GK5: variants seen among roughly 807,000 people sequenced by gnomAD.
GK5 encodes ATP:glycerol 3-phosphotransferase 5.
In GK5, 39 loss-of-function variants were observed where a neutral mutation model predicts 77.3. The observed-to-expected ratio is 0.50, with a 90% CI of 0.39 to 0.66. The LOEUF is 0.66. Ranked by LOEUF, GK5 falls within the 30% of genes least tolerant of loss-of-function variation. GK5 has a pLI of 0.00. For synonymous variants in GK5, 211 were observed against 208.0 expected (o/e 1.01, Z -0.13); for missense variants, 487 against 633.8 (o/e 0.77, Z 2.49).
chr3:142,204,140 T>TA (rs1347729450), intron 4 of GK5: 1 of 168,786 alleles, frequency 5.9e-6, no homozygotes, highest in African/African-American at 2.4e-5. Context: ...CACCTCAGCC[T>TA]ACCAAGTAGC....
intron 3 of GK5, among the ~76,000 whole-genome samples, chr3:142,209,863 G>T (rs1041602191): frequency 6.6e-6 from 1 of 152,066 alleles, no homozygotes; most frequent in African/African-American, 2.4e-5. Context: ...CTCACAGTTT[G>T]TGTTGCTAAT....
intron 1 of GK5, among the ~76,000 whole-genome samples, chr3:142,217,877 T>A (rs571144457): frequency 6.6e-6 from 1 of 152,322 alleles, no homozygotes; most frequent in Admixed American, 6.5e-5. Flanking sequence ...CATCCCAGAT[T>A]TCTATAACAA....
intron 5 of GK5, among the ~76,000 whole-genome samples, chr3:142,192,883 G>A (rs777752635): frequency 6.6e-6 from 1 of 152,174 alleles, no homozygotes; most frequent in South Asian, 2.1e-4. Flanking sequence ...AACCTTAAAT[G>A]CATATTGCTA....
chr3:142,185,337 C>T, intron 9 of GK5: 8 of 370,986 alleles, frequency 2.2e-5, no homozygotes, highest in Non-Finnish European at 3.0e-5. Flanking sequence ...CACCTGAGCC[C>T]AGGAAGCCGA....
At chr3:142,180,050 T>C (rs1415701278) in intron 11 of GK5, among the ~76,000 whole-genome samples, 1 of 152,176 alleles carries the variant, frequency 6.6e-6, no homozygotes, top group Non-Finnish European at 1.5e-5. Flanking sequence ...TTGTTTTCTT[T>C]AGATTTTTTT....
At chr3:142,199,246 A>G (rs939190929) in intron 4 of GK5, among the ~76,000 whole-genome samples, 1 of 152,148 alleles carries the variant, frequency 6.6e-6, no homozygotes, top group African/African-American at 2.4e-5. Flanking sequence ...TATGATAGTT[A>G]AAGGAGAGAA....
rs2063461490 is a variant in GK5, at chr3:142,165,314, A to T, written c.*308T>A. ...ATCATTATGTTCCTATGTACCACTGACCCAGTATAAAAAGGAAGAGGACCC... is the reference window on the plus strand; with the variant it reads ...ATCATTATGTTCCTATGTACCACTGTCCCAGTATAAAAAGGAAGAGGACCC... On this transcript the variant is annotated 3_prime_UTR_variant, in exon 16 of 16. Coordinates refer to ENST00000392993, the MANE Select transcript of GK5 (RefSeq NM_001039547.3). 4.6e-6 allele frequency: 1 copy of T among 217,778 alleles called. No individual in the cohort carries two copies. The highest frequency in any genetic ancestry group is 8.9e-6 in the Non-Finnish European group (1 of 112,392). The allele number at this position is 217,778 out of a possible 1,614,324, so 13.5% of individuals were successfully genotyped here. A position where few individuals can be genotyped will look rare whatever the true frequency, so the allele number is the denominator to read the frequency against.
At chr3:142,218,809 A>G (rs1297778783) in intron 1 of GK5, among the ~76,000 whole-genome samples, 1 of 152,204 alleles carries the variant, frequency 6.6e-6, no homozygotes, top group Admixed American at 6.5e-5. Flanking sequence ...TAAAAAGACA[A>G]AAGTACAGAC....
In GK5 at chr3:142,183,749, T is replaced by G. The variant is rs576602934; in HGVS notation, c.817-700A>C. ...TGCTGGGATTGCAGGTGTGAGCCAC[T>G]GCACCTGGCCATTTCTTTAAAAATT... On this transcript the variant is annotated intron_variant, in intron 9 of 15. Coordinates refer to ENST00000392993, the MANE Select transcript of GK5 (RefSeq NM_001039547.3). Among the ~76,000 whole-genome samples the G allele has an allele frequency of 2.0e-5, 3 of 151,060 alleles. No individual in the cohort carries two copies. The East Asian group carries it at 6.0e-4, about 30-fold the overall frequency.
rs2063421105 is a variant in GK5 at position 142,160,982 on chromosome 3, C to A, written c.*4640G>T. ...AAGTGATCCTCTGGCCTCAGCCTCC[C>A]AAAGTGCTGGGATTACAGGCATGAG... On this transcript the variant is annotated 3_prime_UTR_variant, in exon 16 of 16. Coordinates refer to ENST00000392993, the MANE Select transcript of GK5 (RefSeq NM_001039547.3). 1 of 152,212 alleles carries A rather than the reference C, an allele frequency of 6.6e-6. No individual in the cohort carries two copies. Among genetic ancestry groups the A allele is most frequent in the Non-Finnish European group, 1.5e-5 (1 of 68,080 alleles). 9.4% of individuals were successfully genotyped at this position (152,212 alleles called of 1,614,324 possible). A position where few individuals can be genotyped will look rare whatever the true frequency, so the allele number is the denominator to read the frequency against.
At chr3:142,181,782 T>C (rs917204269) in intron 10 of GK5, among the ~76,000 whole-genome samples, 12 of 152,280 alleles carry the variant, frequency 7.9e-5, no homozygotes, top group African/African-American at 2.6e-4. Context: ...ACGGCCTACC[T>C]CAGAGAGCTA....
chr3:142,200,128 T>A (rs201569870), intron 4 of GK5, among the ~76,000 whole-genome samples: 4 of 148,228 alleles, frequency 2.7e-5, no homozygotes, highest in Non-Finnish European at 5.9e-5. Flanking sequence ...CACAAACACA[T>A]ACACACACAC....
chr3:142,179,705 T>C (rs1438272729), intron 11 of GK5, among the ~76,000 whole-genome samples: 1 of 152,222 alleles, frequency 6.6e-6, no homozygotes, highest in Admixed American at 6.5e-5. Context: ...TTTCATTCCT[T>C]GCTTGAAGAA....
At chr3:142,219,263 T>TC (rs1402586768) in intron 1 of GK5, among the ~76,000 whole-genome samples, 7 of 152,164 alleles carry the variant, frequency 4.6e-5, no homozygotes, top group African/African-American at 1.7e-4. Context: ...TTTTTAATAT[T>TC]CCCCTTAAAA....
intron 3 of GK5, among the ~76,000 whole-genome samples, chr3:142,207,706 A>G (rs1290036923): frequency 2.0e-5 from 3 of 152,186 alleles, no homozygotes; most frequent in African/African-American, 7.2e-5. Flanking sequence ...TTGGCACCGC[A>G]GGACCAGAAG....
At chr3:142,174,077 T>C (rs1338114553) in intron 12 of GK5, among the ~76,000 whole-genome samples, 2 of 152,118 alleles carry the variant, frequency 1.3e-5, no homozygotes, top group Admixed American at 1.3e-4. Context: ...TCACATATTC[T>C]GCTTGATGGT....
At position 142,165,659 on chromosome 3, in the gene GK5, G is replaced by C; in HGVS notation, c.1553C>G (p.Ala518Gly). The C allele has an allele frequency of 6.2e-7, 1 of 1,612,702 alleles. No individual in the cohort carries two copies. Among genetic ancestry groups the C allele is most frequent in the African/African-American group, 1.3e-5 (1 of 74,926 alleles). ...YEMSLENWAK[A>G]VKRSMNWYNK... Reference sequence around the variant, plus strand: ...ATACCAATTCATGGAGCGTTTCACTGCTTTGGCCCAGTTTTCCAGACTCAT... The same window carrying C: ...ATACCAATTCATGGAGCGTTTCACTCCTTTGGCCCAGTTTTCCAGACTCAT... The change falls in exon 16 of 16, where the codon GCA (alanine) becomes GGA (glycine). Residue 518 changes from alanine (A) to glycine (G), a missense_variant. Coordinates refer to ENST00000392993, the MANE Select transcript of GK5 (RefSeq NM_001039547.3).
chr3:142,186,465 A>C lies in GK5; in HGVS notation c.668T>G (p.Phe223Cys). ...AAAAATTTTTACCTTATATGGGTCA[A>C]AAAGTCCAGTTGTACTAGCATTTGA... Reference protein sequence around the residue: ...DFSNASTTGLFDPYKMCWSGM... With the variant: ...DFSNASTTGLCDPYKMCWSGM... The change falls in exon 7 of 16, where the codon TTT (phenylalanine) becomes TGT (cysteine). Residue 223 changes from phenylalanine (F) to cysteine (C), a missense_variant. Phe to Cys is a radical substitution (Grantham distance 205). Around this residue, in one of 4 missense-constraint regions of GK5, gnomAD observed 323 missense variants for 437.4 expected, o/e 0.74. Transcript: ENST00000392993. 2 of 1,556,486 alleles carry C rather than the reference A, an allele frequency of 1.3e-6. No individual in the cohort carries two copies. The highest frequency in any genetic ancestry group is 1.7e-6 in the Non-Finnish European group (2 of 1,148,856).
At chr3:142,198,738 C>T (rs1478652251) in intron 5 of GK5, 64 bp downstream of exon 5, 1 of 1,370,508 alleles carries the variant, frequency 7.3e-7, no homozygotes, top group African/African-American at 1.5e-5. Flanking sequence ...TTTTTCTTCC[C>T]CATAGTCTTT....
Sources: gnomAD v4.1 joint callset for allele counts (sites outside exome capture counted in the v4.1 genomes callset) on GRCh38, gnomAD v4.1.1 for gene constraint, gnomAD v4.1.1 regional missense constraint, MANE v1.5 for transcripts, NCBI Gene and HGNC (gene_info 2026-07-23, HGNC 2026-07-21) for gene names.